Variants in NARS2 observed in about 807,000 individuals in gnomAD.
NARS2 encodes the protein asparaginyl-tRNA synthetase.
A neutral mutation model predicts 62.9 loss-of-function variants in NARS2; 60 were observed. The ratio of observed to expected loss-of-function variants is 0.95; its 90% confidence interval spans 0.77 to 1.18. NARS2 has a LOEUF of 1.18. Ranked by LOEUF, NARS2 falls within the 50% of genes most tolerant of loss-of-function variation. The pLI, the probability that NARS2 is intolerant of heterozygous loss-of-function variation, is 0.00. For missense variants in NARS2, 619 were observed against 576.4 expected, an observed-to-expected ratio of 1.07 and a Z score of -0.76; for synonymous variants, 196 against 200.0, an observed-to-expected ratio of 0.98 and a Z score of 0.17.
At chr11:78,501,128 C>T (rs1041840950) in intron 6 of NARS2, among the ~76,000 whole-genome samples, 5 of 152,116 alleles carry the variant, frequency 3.3e-5, no homozygotes, top group Non-Finnish European at 5.9e-5. Flanking sequence ...AAAACAATGA[C>T]AAGTCCATTA....
In NARS2 at chr11:78,542,730, C is replaced by A. The variant is rs374344067; in HGVS notation, c.595-13794G>T. Among the ~76,000 whole-genome samples, 7 of 152,224 alleles carry A rather than the reference C, an allele frequency of 4.6e-5. No individual in the cohort carries two copies. The East Asian group carries it at 7.7e-4, about 17-fold the overall frequency. ...GACCAGCCTGAGCAACATAGTGAGA[C>A]CCTGACTCTACTTTAAAAATTAGCT... On this transcript the variant is annotated intron_variant, in intron 5 of 13. Coordinates refer to ENST00000281038, the MANE Select transcript of NARS2 (RefSeq NM_024678.6).
At chr11:78,449,300 T>C (rs1857880380) in intron 11 of NARS2, among the ~76,000 whole-genome samples, 1 of 151,824 alleles carries the variant, frequency 6.6e-6, no homozygotes, top group African/African-American at 2.4e-5. Flanking sequence ...CATGCCCGGC[T>C]AATTTTTTTG....
Position 78,478,420 on chromosome 11 carries a change from A to C in NARS2, c.959+18T>G. 1 of 999,938 alleles carries C rather than the reference A, an allele frequency of 1.0e-6. No homozygotes were observed. The highest frequency in any genetic ancestry group is 1.4e-6 in the Non-Finnish European group (1 of 706,368). 61.9% of individuals were successfully genotyped at this position (999,938 alleles called of 1,614,324 possible). On this transcript the variant is annotated intron_variant, in intron 9 of 13. Transcript: ENST00000281038. Reference sequence around the variant, plus strand: ...CAGTGATAATGAATAAAGTTCAAAAAGTATAACATCTACTTACATTAAAAA... The same window carrying C: ...CAGTGATAATGAATAAAGTTCAAAACGTATAACATCTACTTACATTAAAAA...
intron 6 of NARS2, among the ~76,000 whole-genome samples, chr11:78,503,042 T>C (rs1185275351): frequency 6.6e-6 from 1 of 151,450 alleles, no homozygotes; most frequent in Admixed American, 6.6e-5. Context: ...ATCAAGCACT[T>C]TACACACATT....
chr11:78,463,423 C>T (rs183799460), intron 11 of NARS2, among the ~76,000 whole-genome samples: 2 of 152,126 alleles, frequency 1.3e-5, no homozygotes, highest in East Asian at 1.9e-4. Flanking sequence ...CAGTGGCTCA[C>T]GCCTGTAATC....
chr11:78,553,775 T>C (rs535192039), intron 5 of NARS2, among the ~76,000 whole-genome samples: 12 of 152,332 alleles, frequency 7.9e-5, no homozygotes, highest in East Asian at 7.7e-4. Context: ...AATTTGTCAA[T>C]TTTTGCTTTT....
intron 7 of NARS2, among the ~76,000 whole-genome samples, chr11:78,488,023 T>TA (rs1158772400): frequency 1.3e-5 from 2 of 152,178 alleles, no homozygotes; most frequent in Non-Finnish European, 2.9e-5. Context: ...AACAGTAATT[T>TA]ACTATTACTA....
intron 5 of NARS2, among the ~76,000 whole-genome samples, chr11:78,552,361 T>C (rs1856159638): frequency 6.6e-6 from 1 of 152,212 alleles, no homozygotes; most frequent in Admixed American, 6.5e-5. Flanking sequence ...CTACGGTGTA[T>C]GTGTACCATA....
At chr11:78,550,363 T>C (rs1269201435) in intron 5 of NARS2, among the ~76,000 whole-genome samples, 2 of 152,242 alleles carry the variant, frequency 1.3e-5, no homozygotes, top group Non-Finnish European at 1.5e-5. Flanking sequence ...ATACACTTCT[T>C]GTTCTTTGTT....
chr11:78,449,817 C>T (rs992056119), intron 11 of NARS2, among the ~76,000 whole-genome samples: 1 of 152,156 alleles, frequency 6.6e-6, no homozygotes, highest in Non-Finnish European at 1.5e-5. Flanking sequence ...CCAGACATTA[C>T]AAATGTTCCT....
chr11:78,538,722 G>A (rs1036614966), intron 5 of NARS2, among the ~76,000 whole-genome samples: 9 of 152,048 alleles, frequency 5.9e-5, no homozygotes, highest in Non-Finnish European at 8.8e-5. Flanking sequence ...TAGGCCGGGC[G>A]CGGTGGCTCA....
intron 11 of NARS2, among the ~76,000 whole-genome samples, chr11:78,450,663 T>A (rs1251793833): frequency 6.8e-6 from 1 of 148,106 alleles, no homozygotes; most frequent in Non-Finnish European, 1.5e-5. Flanking sequence ...ACAAAAGCCT[T>A]GTCTTTTTTT....
intron 11 of NARS2, among the ~76,000 whole-genome samples, chr11:78,460,151 A>G (rs1858337251): frequency 6.6e-6 from 1 of 152,234 alleles, no homozygotes; most frequent in Admixed American, 6.5e-5. Flanking sequence ...AGACTAGAGA[A>G]GGAGACACAG....
Position 78,566,179 on chromosome 11 carries a change from A to G in NARS2, c.466T>C (p.Leu156=). The part of the protein sequence containing the change: ...RCRTNVLGSI[L]RIRSEATAAI... ...GCTGTCGCTTCACTGCGAATCCTCAATATAGAACCCAGAACGTTAGTCCTA... is the reference window on the plus strand; with the variant it reads ...GCTGTCGCTTCACTGCGAATCCTCAGTATAGAACCCAGAACGTTAGTCCTA... Residue 156 remains leucine (L), a synonymous_variant, in exon 4 of 14, where the codon TTG becomes CTG. Coordinates refer to ENST00000281038, the MANE Select transcript of NARS2 (RefSeq NM_024678.6). The G allele has an allele frequency of 6.2e-7, 1 of 1,613,334 alleles. No homozygotes were observed.
chr11:78,565,217 A>G (rs1856703892), intron 4 of NARS2, among the ~76,000 whole-genome samples: 1 of 152,202 alleles, frequency 6.6e-6, no homozygotes, highest in Non-Finnish European at 1.5e-5. Flanking sequence ...AAATGTCCTT[A>G]GTCATTAGAT....
chr11:78,443,783 G>A (rs758158269), intron 11 of NARS2, 25 bp from the exon 12 acceptor site: 5 of 1,520,460 alleles, frequency 3.3e-6, no homozygotes, highest in Non-Finnish European at 4.5e-6. Flanking sequence ...AAAATTATTA[G>A]CATTATATTT....
At chr11:78,547,508 A>G (rs1041482486) in intron 5 of NARS2, among the ~76,000 whole-genome samples, 1 of 149,196 alleles carries the variant, frequency 6.7e-6, no homozygotes, top group Admixed American at 6.6e-5. Flanking sequence ...ATGAGGCAGA[A>G]GCAGTAAGAG....
chr11:78,459,393 C>A (rs74332668), intron 11 of NARS2, among the ~76,000 whole-genome samples: 3,790 of 151,164 alleles, frequency 0.025, 108 homozygotes, highest in Admixed American at 0.068. Context: ...GCCTAAGCCT[C>A]CCAAGTAGCT....
At chr11:78,485,251 G>T (rs1859521280) in intron 7 of NARS2, among the ~76,000 whole-genome samples, 1 of 152,146 alleles carries the variant, frequency 6.6e-6, no homozygotes, top group South Asian at 2.1e-4. Flanking sequence ...GGGGGACAAG[G>T]GGAGGGAGAG....
Sources: allele counts gnomAD v4.1 joint callset (sites outside exome capture counted in the v4.1 genomes callset), GRCh38; gene constraint gnomAD v4.1.1; transcripts MANE v1.5; gene names NCBI Gene and HGNC (gene_info 2026-07-23, HGNC 2026-07-21).